Variants in SLC10A7 observed in about 807,000 individuals in gnomAD.
SLC10A7 encodes the protein sodium/bile acid cotransporter 7.
In SLC10A7, 29 loss-of-function variants were observed where a neutral mutation model predicts 43.2. The observed-to-expected ratio is 0.67, with a 90% CI of 0.50 to 0.92. The LOEUF is 0.92. Among genes scored for constraint, SLC10A7 ranks in the 40% least tolerant of loss-of-function variants. The pLI is 0.00. For synonymous variants in SLC10A7, 152 were observed against 144.8 expected (o/e 1.05, Z -0.35); for missense variants, 295 against 403.2 (o/e 0.73, Z 2.30).
chr4:146,469,754 G>A (rs556401603), intron 4 of SLC10A7, among the ~76,000 whole-genome samples: 12 of 152,132 alleles, frequency 7.9e-5, no homozygotes, highest in East Asian at 3.9e-4. Context: ...GCAGCTTCCC[G>A]AGTAGTTTGG....
At chr4:146,266,466 C>T (rs1380333325) in intron 10 of SLC10A7, among the ~76,000 whole-genome samples, 1 of 152,022 alleles carries the variant, frequency 6.6e-6, no homozygotes, top group East Asian at 1.9e-4. Flanking sequence ...CACATACACA[C>T]AGACTTTCTC....
chr4:146,259,112 G>T (rs1228991010), intron 10 of SLC10A7, among the ~76,000 whole-genome samples: 1 of 152,174 alleles, frequency 6.6e-6, no homozygotes, highest in Non-Finnish European at 1.5e-5. Context: ...CTAACAAGGA[G>T]AGGAGAGAAG....
intron 6 of SLC10A7, among the ~76,000 whole-genome samples, chr4:146,312,876 G>C (rs1352407559): frequency 6.6e-6 from 1 of 152,104 alleles, no homozygotes; most frequent in Non-Finnish European, 1.5e-5. Context: ...CCGTAAATTG[G>C]CTTGTTCTAA....
chr4:146,491,727 G>GGAAGGAAGGAAA (rs1560960649), intron 4 of SLC10A7, among the ~76,000 whole-genome samples: 2 of 139,722 alleles, frequency 1.4e-5, no homozygotes, highest in African/African-American at 5.1e-5. Context: ...AAGGAAGGAA[G>GGAAGGAAGGAAA]GAAGGAAGGA....
intron 10 of SLC10A7, among the ~76,000 whole-genome samples, chr4:146,275,924 C>T (rs764541624): frequency 6.6e-5 from 10 of 151,926 alleles, no homozygotes; most frequent in African/African-American, 1.7e-4. Flanking sequence ...CTCAAAGCTA[C>T]GTAATGACAT....
chr4:146,322,095 C>T (rs1384276412), intron 6 of SLC10A7, among the ~76,000 whole-genome samples: 2 of 152,006 alleles, frequency 1.3e-5, no homozygotes, highest in Non-Finnish European at 2.9e-5. Context: ...AACATTACAA[C>T]TAAAGTTCAT....
At chr4:146,353,878 G>A (rs1325147165) in intron 5 of SLC10A7, among the ~76,000 whole-genome samples, 1 of 125,814 alleles carries the variant, frequency 7.9e-6, no homozygotes, top group Non-Finnish European at 1.7e-5. Context: ...GGTATTGATG[G>A]GACGTATTTC....
intron 6 of SLC10A7, among the ~76,000 whole-genome samples, chr4:146,324,990 A>G (rs960011243): frequency 1.3e-5 from 2 of 152,230 alleles, no homozygotes; most frequent in Non-Finnish European, 2.9e-5. Flanking sequence ...ACTGTTTAGT[A>G]GTATATCTAT....
chr4:146,451,620 A>G lies in SLC10A7; in HGVS notation c.397-8799T>C, dbSNP rs185180592. ...GCACACCACATCAATAGAATGAGGGACAAAAACCACATGATTACCTCAATA... is the reference window on the plus strand; with the variant it reads ...GCACACCACATCAATAGAATGAGGGGCAAAAACCACATGATTACCTCAATA... On this transcript the variant is annotated intron_variant, in intron 4 of 11. Coordinates refer to ENST00000335472, the MANE Select transcript of SLC10A7 (RefSeq NM_001029998.6). Among the ~76,000 whole-genome samples, 234 of 152,296 alleles carry G rather than the reference A, an allele frequency of 1.5e-3. 7 individuals are homozygous for G. In the South Asian group the frequency reaches 0.046, roughly 30 times the overall value.
chr4:146,479,559 G>C (rs2149982305), intron 4 of SLC10A7, among the ~76,000 whole-genome samples: 1 of 152,214 alleles, frequency 6.6e-6, no homozygotes, highest in East Asian at 1.9e-4. Flanking sequence ...GAGGTTTCTA[G>C]AATAGTCAAA....
chr4:146,459,872 A>C (rs951220775), intron 4 of SLC10A7, among the ~76,000 whole-genome samples: 1 of 152,060 alleles, frequency 6.6e-6, no homozygotes, highest in Admixed American at 6.6e-5. Context: ...GTCACTGTAA[A>C]GAAAATGAAA....
intron 5 of SLC10A7, among the ~76,000 whole-genome samples, chr4:146,394,231 A>C (rs1156957862): frequency 6.6e-6 from 1 of 152,224 alleles, no homozygotes; most frequent in Non-Finnish European, 1.5e-5. Context: ...ACCTGATTTA[A>C]GTCTTTATTT....
chr4:146,338,191 A>G (rs1481928595), intron 5 of SLC10A7, among the ~76,000 whole-genome samples: 1 of 152,030 alleles, frequency 6.6e-6, no homozygotes, highest in African/African-American at 2.4e-5. Context: ...TATCCATTTG[A>G]TAAGAAACAC....
chr4:146,487,308 G>A (rs1385632997), intron 4 of SLC10A7, among the ~76,000 whole-genome samples: 1 of 152,158 alleles, frequency 6.6e-6, no homozygotes, highest in African/African-American at 2.4e-5. Flanking sequence ...ACACTCACCT[G>A]TTGTTTATGT....
At chr4:146,295,218 T>C (rs562443885) in intron 7 of SLC10A7, among the ~76,000 whole-genome samples, 76 of 152,232 alleles carry the variant, frequency 5.0e-4, no homozygotes, top group South Asian at 8.3e-4. Context: ...CAGGGACTCA[T>C]GAAGTGAACT....
At chr4:146,353,060 G>C (rs949722067) in intron 5 of SLC10A7, among the ~76,000 whole-genome samples, 4 of 151,602 alleles carry the variant, frequency 2.6e-5, no homozygotes, top group African/African-American at 7.3e-5. Context: ...AGGAAATAGA[G>C]AAACAAAAAA....
chr4:146,294,141 G>A (rs1189536391), intron 7 of SLC10A7, 46 bp from the exon 8 acceptor site: 2 of 1,427,170 alleles, frequency 1.4e-6, no homozygotes, highest in South Asian at 1.5e-5. Context: ...GAGATGGAGG[G>A]AGTTGAAATG....
At chr4:146,356,331 C>T (rs1451631540) in intron 5 of SLC10A7, among the ~76,000 whole-genome samples, 2 of 152,016 alleles carry the variant, frequency 1.3e-5, no homozygotes, top group African/African-American at 4.8e-5. Flanking sequence ...ATCCTTAATC[C>T]AATATATTAC....
chr4:146,277,395 C>CA (rs1729275957), intron 10 of SLC10A7, among the ~76,000 whole-genome samples: 1 of 152,092 alleles, frequency 6.6e-6, no homozygotes, highest in African/African-American at 2.4e-5. Context: ...AAATCCAAAC[C>CA]AAAAATAGTT....
Sources: gnomAD v4.1 joint callset for allele counts (sites outside exome capture counted in the v4.1 genomes callset) on GRCh38, gnomAD v4.1.1 for gene constraint, MANE v1.5 for transcripts, NCBI Gene and HGNC (gene_info 2026-07-23, HGNC 2026-07-21) for gene names.